The following PHF14 variants were observed in gnomAD, a reference collection of about 807,000 sequenced individuals.
PHF14 encodes the protein PHD finger protein 14.
In PHF14, 55 loss-of-function variants were observed where a neutral mutation model predicts 117.9. The ratio of observed to expected loss-of-function variants is 0.47; its 90% confidence interval spans 0.38 to 0.58. The LOEUF (loss-of-function observed/expected upper bound fraction) is 0.58, where lower values mean the gene tolerates loss of function less well. Ranked by LOEUF, PHF14 falls within the 20% of genes least tolerant of loss-of-function variation. The probability of loss-of-function intolerance (pLI) is 0.00; values close to 1 mark genes in which losing one functional copy is unlikely to be tolerated. For synonymous variants in PHF14, 409 were observed against 368.6 expected, an observed-to-expected ratio of 1.11 and a Z score of -1.26; for missense variants, 978 against 1,122.2, an observed-to-expected ratio of 0.87 and a Z score of 1.84.
chr7:11,156,372 A>G (rs1489900364), intron 17 of PHF14, among the ~76,000 whole-genome samples: 2 of 152,224 alleles, frequency 1.3e-5, no homozygotes, highest in Non-Finnish European at 1.5e-5. Context: ...TGTTACTTAG[A>G]TATCTAATGA....
rs1490947359 is a variant in PHF14 at position 11,130,510 on chromosome 7, TG to T, written c.2772+19044del. Among the ~76,000 whole-genome samples, 1 of 151,998 alleles carries T rather than the reference TG, an allele frequency of 6.6e-6. No homozygotes were observed. Among genetic ancestry groups the T allele is most frequent in the Non-Finnish European group, 1.5e-5 (1 of 67,916 alleles). The stretch of plus-strand genomic sequence containing the variant: ...CTTTTGGTAGTATTTTTGATTTTTT[TG>T]TTTCTTTTTGAGCAGTTTTAGGTTT... On this transcript the variant is annotated intron_variant, in intron 17 of 17. Transcript: ENST00000634607. The surrounding 1 kb of genome is among the most constrained non-coding windows in gnomAD (Gnocchi z 4.2).
At chr7:11,002,720 A>G (rs777187014) in intron 4 of PHF14, among the ~76,000 whole-genome samples, 1 of 151,706 alleles carries the variant, frequency 6.6e-6, no homozygotes, top group Non-Finnish European at 1.5e-5. Context: ...CTGGGATTAC[A>G]GACGTGAGCC....
chr7:10,998,202 A>G (rs1782731995), intron 4 of PHF14, among the ~76,000 whole-genome samples: 2 of 152,294 alleles, frequency 1.3e-5, no homozygotes, highest in Middle Eastern at 3.4e-3. Flanking sequence ...TAATTAGGGA[A>G]AAAAGGATAT....
intron 17 of PHF14, among the ~76,000 whole-genome samples, chr7:11,122,352 T>TATATATATATATATATACACACAC: frequency 6.4e-4 from 42 of 65,840 alleles, no homozygotes; most frequent in Middle Eastern, 7.5e-3. Context: ...TATATATATA[T>TATATATATATATATATACACACAC]ACACACACAC....
chr7:11,018,982 T>A (rs753052449), intron 5 of PHF14, among the ~76,000 whole-genome samples: 51 of 152,216 alleles, frequency 3.4e-4, no homozygotes, highest in Non-Finnish European at 6.6e-4. Flanking sequence ...TTTTTCAGCA[T>A]CAGTTGAAAT....
chr7:11,143,282 A>T, intron 17 of PHF14, among the ~76,000 whole-genome samples: 1 of 152,110 alleles, frequency 6.6e-6, no homozygotes, highest in East Asian at 1.9e-4. Flanking sequence ...AATAACCATG[A>T]AACATTATTT....
At position 11,041,860 on chromosome 7, in the gene PHF14, A is replaced by AGT. The variant is rs368177997; in HGVS notation, c.2181-805_2181-804dup. ...TTTATTTATTTATTTTGGCTTTTTA[A>AGT]GTGTGTGTGTGTGTGTGTGACTTTT... On this transcript the variant is annotated intron_variant, in intron 12 of 17. Coordinates refer to ENST00000634607, the MANE Select transcript of PHF14 (RefSeq NM_001007157.2). Among the ~76,000 whole-genome samples, 1,337 of 144,730 alleles carry AGT rather than the reference A, an allele frequency of 9.2e-3. 18 individuals carry two copies. Among genetic ancestry groups the AGT allele is most frequent in the African/African-American group, 0.028 (1,120 of 39,488 alleles). The allele number at this position is 144,730 out of a possible 152,430, so 94.9% of individuals were successfully genotyped here. A position where few individuals can be genotyped will look rare whatever the true frequency, so the allele number is the denominator to read the frequency against.
rs775107955 is a variant in PHF14, at chr7:10,974,342, C to CA, written c.1+18_1+19insA. On this transcript the variant is annotated intron_variant, in intron 1 of 17. Coordinates refer to ENST00000634607, the MANE Select transcript of PHF14 (RefSeq NM_001007157.2). ...ATTCCTTAGTAAGTGTATCCGAGGC[C>CA]TCTGCGGCGAGAGGTCCATTTCAGC... 1 of 1,586,398 alleles carries CA rather than the reference C, an allele frequency of 6.3e-7. No individual in the cohort carries two copies. Among genetic ancestry groups the CA allele is most frequent in the African/African-American group, 1.3e-5 (1 of 74,330 alleles).
intron 6 of PHF14, among the ~76,000 whole-genome samples, chr7:11,023,677 A>C (rs1381339355): frequency 6.6e-6 from 1 of 152,086 alleles, no homozygotes; most frequent in Non-Finnish European, 1.5e-5. Flanking sequence ...AAATACAACA[A>C]ATTAGCTGGG....
chr7:10,989,480 A>G (rs1347977141), intron 3 of PHF14, among the ~76,000 whole-genome samples: 14 of 152,348 alleles, frequency 9.2e-5, no homozygotes, highest in Admixed American at 2.6e-4. Context: ...CTTTTATTAT[A>G]TGTAATGTTA....
At chr7:11,019,404 G>C (rs1783647616) in intron 5 of PHF14, among the ~76,000 whole-genome samples, 1 of 152,074 alleles carries the variant, frequency 6.6e-6, no homozygotes, top group African/African-American at 2.4e-5. Context: ...CTTTATTATG[G>C]CTTCAATCTC....
intron 16 of PHF14, among the ~76,000 whole-genome samples, chr7:11,097,933 A>C (rs1253966664): frequency 6.6e-6 from 1 of 151,892 alleles, no homozygotes; most frequent in African/African-American, 2.4e-5. Context: ...GGGTGTGTGT[A>C]TGTGTGTGTG....
chr7:10,996,803 G>T (rs117291087), intron 4 of PHF14, among the ~76,000 whole-genome samples: 1,616 of 152,278 alleles, frequency 0.011, 24 homozygotes, highest in Non-Finnish European at 0.014. Flanking sequence ...TAATGCTGCG[G>T]TTGTGAGAAC....
chr7:11,099,163 A>T (rs940293850), intron 16 of PHF14, among the ~76,000 whole-genome samples: 7 of 152,018 alleles, frequency 4.6e-5, no homozygotes, highest in African/African-American at 1.7e-4. Context: ...TACTTGGTAT[A>T]TTTTTTCTAT....
Position 11,036,722 on chromosome 7 carries a change from C to G in PHF14, c.1873+34C>G, listed in dbSNP as rs371186221. 93 of 1,569,788 alleles carry G rather than the reference C, an allele frequency of 5.9e-5. 1 individual carries two copies. The East Asian group carries it at 9.7e-4, about 16-fold the overall frequency. On this transcript the variant is annotated intron_variant, in intron 9 of 17. Transcript: ENST00000634607. ...AGACACTGGTACATGCACATTTTCA[C>G]TGAGAACAATTTGTTAATGAAAATG...
chr7:11,129,270 A>C (rs913298438), intron 17 of PHF14, among the ~76,000 whole-genome samples: 6 of 152,134 alleles, frequency 3.9e-5, no homozygotes, highest in Non-Finnish European at 5.9e-5. Flanking sequence ...TGTTTGGAAC[A>C]TAAATTTCTG....
At chr7:11,016,605 C>G (rs1783543664) in intron 5 of PHF14, among the ~76,000 whole-genome samples, 1 of 151,458 alleles carries the variant, frequency 6.6e-6, no homozygotes, top group Non-Finnish European at 1.5e-5. Flanking sequence ...TATAGTTTTA[C>G]TATTTGTGGG....
At chr7:11,123,031 A>C (rs1337071886) in intron 17 of PHF14, among the ~76,000 whole-genome samples, 2 of 152,084 alleles carry the variant, frequency 1.3e-5, no homozygotes, top group Non-Finnish European at 2.9e-5. Flanking sequence ...GCCTTCAGTG[A>C]ACTTCTTCTC....
chr7:11,100,184 A>G (rs532382300), intron 16 of PHF14, among the ~76,000 whole-genome samples: 1 of 152,194 alleles, frequency 6.6e-6, no homozygotes, highest in South Asian at 2.1e-4. Context: ...CATATGAAAT[A>G]GACATTTGAA....
Sources: allele counts gnomAD v4.1 joint callset (sites outside exome capture counted in the v4.1 genomes callset), GRCh38; gene constraint gnomAD v4.1.1; non-coding constraint Gnocchi (gnomAD v3.1); transcripts MANE v1.5; gene names NCBI Gene and HGNC (gene_info 2026-07-23, HGNC 2026-07-21).